EML6: variants seen among roughly 807,000 people sequenced by gnomAD.
EML6 encodes echinoderm microtubule-associated protein-like 6.
Under a neutral mutation model 240.1 loss-of-function variants are expected in EML6, and 154 were observed. The observed-to-expected ratio is 0.64, with a 90% CI of 0.56 to 0.73. The LOEUF (loss-of-function observed/expected upper bound fraction) is 0.73. Among genes scored for constraint, EML6 ranks in the 30% least tolerant of loss-of-function variants. EML6 has a pLI of 0.00. For synonymous variants in EML6, 1,148 were observed against 899.0 expected, an observed-to-expected ratio of 1.28 and a Z score of -4.95; for missense variants, 2,964 against 2,474.6, an observed-to-expected ratio of 1.20 and a Z score of -4.20.
In EML6 at chr2:54,903,105, G is replaced by C. The variant is rs1254868128; in HGVS notation, c.3186G>C (p.Gly1062=). Residue 1062 remains glycine, a synonymous_variant, in exon 23 of 42, where the codon GGG becomes GGC. Coordinates refer to ENST00000356458, the MANE Select transcript of EML6 (RefSeq NM_001039753.4). ...CCTTAGCGGTTGGCTTGAACGATGG[G>C]AGTTTCCTGGTGGTAAATGCTGACA... ...GKALAVGLND[G]SFLVVNADTV... 1.3e-6 allele frequency: 2 copies of C among 1,551,654 alleles called. No individual in the cohort carries two copies. The highest frequency in any genetic ancestry group is 1.7e-6 in the Non-Finnish European group (2 of 1,146,958).
chr2:54,804,174 A>C (rs1220021650), intron 2 of EML6, among the ~76,000 whole-genome samples: 3 of 152,240 alleles, frequency 2.0e-5, no homozygotes. Context: ...TGGCAAAGCC[A>C]CTAGACCAGA....
chr2:54,740,165 G>A (rs977258045), intron 2 of EML6, among the ~76,000 whole-genome samples: 6 of 152,158 alleles, frequency 3.9e-5, no homozygotes, highest in African/African-American at 1.4e-4. Flanking sequence ...CCTTGCTCAG[G>A]AGAGAGCTGT....
intron 36 of EML6, 137 bp from the exon 37 acceptor site, chr2:54,963,849 A>T: frequency 2.8e-6 from 2 of 721,462 alleles, no homozygotes; most frequent in South Asian, 2.0e-5. Context: ...AGGGACATTT[A>T]CTCTAAGAAG....
At chr2:54,950,325 C>T (rs1675910592) in intron 29 of EML6, among the ~76,000 whole-genome samples, 1 of 152,210 alleles carries the variant, frequency 6.6e-6, no homozygotes, top group Non-Finnish European at 1.5e-5. Flanking sequence ...AAGGCACAGA[C>T]ACAAAACTGC....
At chr2:54,910,006 T>C (rs1673555025) in intron 24 of EML6, among the ~76,000 whole-genome samples, 1 of 152,056 alleles carries the variant, frequency 6.6e-6, no homozygotes, top group Non-Finnish European at 1.5e-5. Context: ...TATACATAGT[T>C]ATGGGAAAAA....
At chr2:54,890,297 C>T (rs1169822418) in intron 17 of EML6, among the ~76,000 whole-genome samples, 4 of 152,132 alleles carry the variant, frequency 2.6e-5, no homozygotes, top group Admixed American at 6.6e-5. Context: ...TCTCTATATT[C>T]GTAAGGCAGA....
chr2:54,726,598 C>G (rs186096358), intron 2 of EML6, among the ~76,000 whole-genome samples: 1 of 152,150 alleles, frequency 6.6e-6, no homozygotes, highest in African/African-American at 2.4e-5. Context: ...AAACTTTTTT[C>G]ATGTCACGTA....
chr2:54,943,762 T>C (rs991563891), intron 28 of EML6, among the ~76,000 whole-genome samples: 10 of 152,222 alleles, frequency 6.6e-5, no homozygotes, highest in African/African-American at 2.4e-4. Context: ...TTTAACAATA[T>C]ATTTTAACTC....
At chr2:54,806,282 C>T (rs959742613) in intron 2 of EML6, among the ~76,000 whole-genome samples, 5 of 151,932 alleles carry the variant, frequency 3.3e-5, no homozygotes, top group African/African-American at 9.7e-5. Flanking sequence ...GAGAGTTCAC[C>T]ATAGCTCTCT....
intron 2 of EML6, among the ~76,000 whole-genome samples, chr2:54,805,164 G>T (rs1395302731): frequency 6.6e-6 from 1 of 152,106 alleles, no homozygotes; most frequent in Non-Finnish European, 1.5e-5. Flanking sequence ...TCTGTTTATG[G>T]CTGAGAACAA....
chr2:54,789,609 G>T (rs1412476723), intron 2 of EML6, among the ~76,000 whole-genome samples: 1 of 145,926 alleles, frequency 6.9e-6, no homozygotes, highest in African/African-American at 2.5e-5. Flanking sequence ...ACCTGATGTT[G>T]TCTTCCGTAC....
intron 26 of EML6, among the ~76,000 whole-genome samples, chr2:54,927,073 C>T (rs77334745): frequency 0.015 from 2,322 of 152,276 alleles, 68 homozygotes; most frequent in African/African-American, 0.053. Flanking sequence ...TTCTGGAACT[C>T]ACATGTTCAA....
chr2:54,835,590 G>A (rs1403435060), intron 7 of EML6, among the ~76,000 whole-genome samples: 3 of 152,162 alleles, frequency 2.0e-5, no homozygotes, highest in Non-Finnish European at 4.4e-5. Flanking sequence ...AGCAGACTGG[G>A]GTAGGATAGG....
chr2:54,804,075 C>CT (rs1255916265), intron 2 of EML6, among the ~76,000 whole-genome samples: 2 of 152,202 alleles, frequency 1.3e-5, no homozygotes, highest in African/African-American at 4.8e-5. Context: ...CAAATTAAGA[C>CT]TTACCCTGAA....
intron 3 of EML6, among the ~76,000 whole-genome samples, chr2:54,815,876 C>G (rs530242506): frequency 3.2e-4 from 49 of 152,322 alleles, no homozygotes; most frequent in African/African-American, 1.1e-3. Flanking sequence ...CTCACACACT[C>G]TTACACTTGG....
chr2:54,782,909 G>C (rs1158528725), intron 2 of EML6, among the ~76,000 whole-genome samples: 1 of 152,146 alleles, frequency 6.6e-6, no homozygotes, highest in Non-Finnish European at 1.5e-5. Flanking sequence ...GAAAAGGTTA[G>C]CACCTAATTT....
At chr2:54,775,223 T>C (rs924115681) in intron 2 of EML6, among the ~76,000 whole-genome samples, 1 of 152,222 alleles carries the variant, frequency 6.6e-6, no homozygotes, top group African/African-American at 2.4e-5. Context: ...TGCTGCCCAG[T>C]GTATTGACAG....
intron 17 of EML6, chr2:54,879,913 A>ATAGTAATAC: frequency 2.9e-6 from 1 of 341,562 alleles, no homozygotes; most frequent in Non-Finnish European, 5.3e-6. Flanking sequence ...ATCTGTATCA[A>ATAGTAATAC]AGCACTTCAG....
intron 2 of EML6, among the ~76,000 whole-genome samples, chr2:54,762,326 G>A (rs1254938700): frequency 6.6e-6 from 1 of 152,066 alleles, no homozygotes; most frequent in Non-Finnish European, 1.5e-5. Context: ...AGAACATCAC[G>A]GATGGGAATG....
Sources: gnomAD v4.1 joint callset for allele counts (sites outside exome capture counted in the v4.1 genomes callset) on GRCh38, gnomAD v4.1.1 for gene constraint, MANE v1.5 for transcripts, NCBI Gene and HGNC (gene_info 2026-07-23, HGNC 2026-07-21) for gene names.